Variants in ARMC8 observed in about 807,000 individuals in gnomAD.
ARMC8 encodes armadillo repeat-containing protein 8.
Under a neutral mutation model 99.3 loss-of-function variants are expected in ARMC8, and 20 were observed. That is an observed-to-expected ratio of 0.20 (90% CI 0.14 to 0.29). The LOEUF (loss-of-function observed/expected upper bound fraction) is 0.29. Ranked by LOEUF, ARMC8 falls within the 10% of genes least tolerant of loss-of-function variation. The probability of loss-of-function intolerance (pLI) is 1.00; values close to 1 mark genes in which losing one functional copy is unlikely to be tolerated. For synonymous variants in ARMC8, 263 were observed against 278.3 expected (o/e 0.95, Z 0.55); for missense variants, 569 against 809.5 (o/e 0.70, Z 3.60).
rs191098053 is a variant in ARMC8, at chr3:138,226,546, T to G, written c.436-2372T>G. On this transcript the variant is annotated intron_variant, in intron 5 of 21. Transcript: ENST00000469044. ...GTCTCAAAGTACTTTCTTTGAGAAC[T>G]GCTGGTTTACTATAAACATCCTGCT... Among the ~76,000 whole-genome samples, 169 of 152,342 alleles carry G rather than the reference T, an allele frequency of 1.1e-3. 1 individual carries two copies. Among genetic ancestry groups the G allele is most frequent in the Non-Finnish European group, 1.7e-3 (115 of 68,034 alleles).
intron 15 of ARMC8, among the ~76,000 whole-genome samples, chr3:138,269,637 A>G (rs1428967029): frequency 6.6e-6 from 1 of 152,152 alleles, no homozygotes; most frequent in Non-Finnish European, 1.5e-5. Context: ...TTCGTAAGCA[A>G]TGCACAAGAT....
At chr3:138,210,780 T>TTCTTAAAGCAG (rs1164185199) in intron 2 of ARMC8, among the ~76,000 whole-genome samples, 3 of 152,176 alleles carry the variant, frequency 2.0e-5, no homozygotes, top group South Asian at 2.1e-4. Context: ...TTTATACAAG[T>TTCTTAAAGCAG]TTCTTCGGAC....
At chr3:138,194,552 A>G (rs2043598205) in intron 1 of ARMC8, among the ~76,000 whole-genome samples, 1 of 150,526 alleles carries the variant, frequency 6.6e-6, no homozygotes, top group African/African-American at 2.4e-5. Flanking sequence ...GTTAGCCAGG[A>G]TGGTCTCGAT....
In ARMC8 at chr3:138,297,191, C is replaced by G. The variant is rs905867736; in HGVS notation, c.*1299C>G. The G allele has an allele frequency of 2.0e-5, 3 of 152,148 alleles. No homozygotes were observed. Among genetic ancestry groups the G allele is most frequent in the African/African-American group, 7.2e-5 (3 of 41,420 alleles). The allele number at this position is 152,148 out of a possible 1,614,324, so 9.4% of individuals were successfully genotyped here. On this transcript the variant is annotated 3_prime_UTR_variant, in exon 22 of 22. Coordinates refer to ENST00000469044, the MANE Select transcript of ARMC8 (RefSeq NM_001363941.2). Reference sequence around the variant, plus strand: ...TTTCCTGCATGAAGCTAAAAGCACTCAAGTTGAGAGAGGGGCAAGGGAATC... The same window carrying G: ...TTTCCTGCATGAAGCTAAAAGCACTGAAGTTGAGAGAGGGGCAAGGGAATC...
At position 138,281,247 on chromosome 3, in the gene ARMC8, G is replaced by C. The variant is rs549254319; in HGVS notation, c.1726-3184G>C. ...GTGTGTGTGTGTGTAGTTTTTATCT[G>C]TTCCTTAGCTCACATATTCAATGAG... is the stretch of plus-strand genomic sequence containing the variant. On this transcript the variant is annotated intron_variant, in intron 18 of 21. Transcript: ENST00000469044. Among the ~76,000 whole-genome samples the C allele has an allele frequency of 9.3e-5, 14 of 150,150 alleles. No homozygotes were observed. In the South Asian group the frequency reaches 3.0e-3, roughly 32 times the overall value.
chr3:138,199,876 C>T (rs1390543379), intron 1 of ARMC8, among the ~76,000 whole-genome samples: 1 of 152,094 alleles, frequency 6.6e-6, no homozygotes, highest in East Asian at 1.9e-4. Context: ...AGTAAATTGT[C>T]ACAGTGACAA....
rs144703344 is a variant in ARMC8, at chr3:138,209,096, G to A, written c.46-721G>A. On this transcript the variant is annotated intron_variant, in intron 1 of 21. Coordinates refer to ENST00000469044, the MANE Select transcript of ARMC8 (RefSeq NM_001363941.2). Reference sequence around the variant, plus strand: ...GTACCTAGACTACCCCTTACAGACTGTTTCATGGAGTCCTCACTCTTCCCT... The same window carrying A: ...GTACCTAGACTACCCCTTACAGACTATTTCATGGAGTCCTCACTCTTCCCT... Among the ~76,000 whole-genome samples, 828 of 152,336 alleles carry A rather than the reference G, an allele frequency of 5.4e-3. 3 individuals are homozygous for A. Among genetic ancestry groups the A allele is most frequent in the Non-Finnish European group, 8.7e-3 (592 of 68,034 alleles).
At chr3:138,244,984 C>G in intron 11 of ARMC8, 104 bp from the exon 12 acceptor site, 1 of 1,395,782 alleles carries the variant, frequency 7.2e-7, no homozygotes. Context: ...GGGAAATTCA[C>G]TAAAATCTAA....
chr3:138,220,159 T>A (rs576541295), intron 2 of ARMC8, among the ~76,000 whole-genome samples: 3 of 152,320 alleles, frequency 2.0e-5, no homozygotes, highest in East Asian at 3.9e-4. Flanking sequence ...AAGGTCCATA[T>A]GCTGATGATT....
chr3:138,297,215 T>C lies in ARMC8; in HGVS notation c.*1323T>C, dbSNP rs1298039848. On this transcript the variant is annotated 3_prime_UTR_variant, in exon 22 of 22. Coordinates refer to ENST00000469044, the MANE Select transcript of ARMC8 (RefSeq NM_001363941.2). ...TCAAGTTGAGAGAGGGGCAAGGGAA[T>C]CTCCCCAGGATGACTGAAGATGACT... 6.6e-6 allele frequency: 1 copy of C among 152,192 alleles called. No homozygotes were observed. The highest frequency in any genetic ancestry group is 2.1e-4 in the South Asian group (1 of 4,826). 9.4% of individuals were successfully genotyped at this position (152,192 alleles called of 1,614,324 possible). A position where few individuals can be genotyped will look rare whatever the true frequency, so the allele number is the denominator to read the frequency against.
At chr3:138,218,993 C>T (rs987145013) in intron 2 of ARMC8, among the ~76,000 whole-genome samples, 2 of 151,974 alleles carry the variant, frequency 1.3e-5, no homozygotes, top group South Asian at 4.2e-4. Flanking sequence ...TCCATTGGTT[C>T]GTTGTCAATG....
At chr3:138,214,394 T>G (rs953963185) in intron 2 of ARMC8, among the ~76,000 whole-genome samples, 1 of 151,994 alleles carries the variant, frequency 6.6e-6, no homozygotes, top group Non-Finnish European at 1.5e-5. Context: ...AAGTGTCTTC[T>G]GAAGCATTTT....
rs376865558 is a variant in ARMC8, at chr3:138,263,767, G to A, written c.1163G>A (p.Arg388Gln). ...KIIETENMMD[R>Q]IVTGLSESSV... is the part of the protein sequence containing the mutation. Reference sequence around the variant, plus strand: ...ATTGAGACTGAAAATATGATGGACCGAATTGTGACTGGCTTGTCTGAGTCT... The same window carrying A: ...ATTGAGACTGAAAATATGATGGACCAAATTGTGACTGGCTTGTCTGAGTCT... Residue 388 changes from arginine to glutamine, a missense_variant, in exon 13 of 22, where the codon CGA (arginine) becomes CAA (glutamine). Physicochemically the swap from Arg to Gln is conservative, Grantham distance 43. This residue lies in a region of ARMC8 where 227 missense variants were observed against 417.9 expected (regional missense o/e 0.54). Coordinates refer to ENST00000469044, the MANE Select transcript of ARMC8 (RefSeq NM_001363941.2). The A allele has an allele frequency of 5.0e-6, 8 of 1,613,810 alleles. No homozygotes were observed. The highest frequency in any genetic ancestry group is 3.3e-5 in the Admixed American group (2 of 60,006).
chr3:138,257,905 A>G (rs1365712344), intron 12 of ARMC8, among the ~76,000 whole-genome samples: 1 of 152,060 alleles, frequency 6.6e-6, no homozygotes, highest in Non-Finnish European at 1.5e-5. Flanking sequence ...CTCCTGCTTT[A>G]ACTAGAGTCT....
chr3:138,243,964 A>G (rs1391572369), intron 11 of ARMC8, among the ~76,000 whole-genome samples: 3 of 152,162 alleles, frequency 2.0e-5, no homozygotes, highest in East Asian at 3.8e-4. Flanking sequence ...GGTTATTTAT[A>G]TTATTGGTAG....
intron 2 of ARMC8, among the ~76,000 whole-genome samples, chr3:138,214,481 A>C (rs1338853105): frequency 6.6e-6 from 1 of 152,088 alleles, no homozygotes; most frequent in Non-Finnish European, 1.5e-5. Context: ...CTCTGGTTTC[A>C]GTAGAATGTA....
intron 15 of ARMC8, 51 bp downstream of exon 15, chr3:138,267,292 A>G (rs1252838390): frequency 1.8e-6 from 2 of 1,125,574 alleles, no homozygotes; most frequent in Non-Finnish European, 2.5e-6. Flanking sequence ...GCTAGAGCTT[A>G]CTCAAATACT....
intron 17 of ARMC8, among the ~76,000 whole-genome samples, chr3:138,273,440 C>A (rs1326785533): frequency 6.6e-6 from 1 of 152,130 alleles, no homozygotes; most frequent in Non-Finnish European, 1.5e-5. Flanking sequence ...GATGGATTTT[C>A]TCATCTGCCT....
At chr3:138,241,729 G>A (rs2046635653) in intron 10 of ARMC8, 54 bp from the exon 11 acceptor site, 2 of 1,492,220 alleles carry the variant, frequency 1.3e-6, no homozygotes, top group Non-Finnish European at 1.9e-6. Context: ...GTCACTATAT[G>A]CTTAAGCTTT....
Sources: allele counts gnomAD v4.1 joint callset (sites outside exome capture counted in the v4.1 genomes callset), GRCh38; gene constraint gnomAD v4.1.1; regional missense constraint gnomAD v4.1.1; transcripts MANE v1.5; gene names NCBI Gene and HGNC (gene_info 2026-07-23, HGNC 2026-07-21).